DENND2B: variants seen among roughly 807,000 people sequenced by gnomAD.
DENND2B encodes the protein DENN domain containing 2B, also known as DENN domain-containing protein 2B.
Under a neutral mutation model 116.0 loss-of-function variants are expected in DENND2B, and 32 were observed. That is an observed-to-expected ratio of 0.28 (90% CI 0.21 to 0.37). The LOEUF (loss-of-function observed/expected upper bound fraction) is 0.37. Ranked by LOEUF, DENND2B falls within the 10% of genes least tolerant of loss-of-function variation. The pLI, the probability that DENND2B is intolerant of heterozygous loss-of-function variation, is 1.00. For missense variants in DENND2B, 1,276 were observed against 1,477.7 expected, an observed-to-expected ratio of 0.86 and a Z score of 2.24; for synonymous variants, 588 against 583.9, an observed-to-expected ratio of 1.01 and a Z score of -0.10.
chr11:8,757,316 A>G (rs2134090314), intron 1 of DENND2B, among the ~76,000 whole-genome samples: 1 of 152,362 alleles, frequency 6.6e-6, no homozygotes, highest in Non-Finnish European at 1.5e-5. Context: ...TTTGGAAGAC[A>G]ACCTCTCCAT....
intron 1 of DENND2B, among the ~76,000 whole-genome samples, chr11:8,898,796 T>C (rs2064131550): frequency 6.6e-6 from 1 of 152,214 alleles, no homozygotes; most frequent in African/African-American, 2.4e-5. Context: ...TCTAAAATGT[T>C]CAGTTTTCAA....
At chr11:8,716,807 C>A (rs1272931692) in intron 5 of DENND2B, among the ~76,000 whole-genome samples, 1 of 152,182 alleles carries the variant, frequency 6.6e-6, no homozygotes, top group East Asian at 1.9e-4. Context: ...GCCATCATGC[C>A]CAGCTAATGT....
At chr11:8,828,963 TGTGG>T (rs540629632) in intron 4 of DENND2B, among the ~76,000 whole-genome samples, 301 of 150,406 alleles carry the variant, frequency 2.0e-3, no homozygotes, top group Non-Finnish European at 3.4e-3. Context: ...GGGGTGTGTG[TGTGG>T]GTGTGTGTGT....
At chr11:8,817,176 C>T (rs1310269381) in intron 4 of DENND2B, among the ~76,000 whole-genome samples, 1 of 152,172 alleles carries the variant, frequency 6.6e-6, no homozygotes, top group African/African-American at 2.4e-5. Flanking sequence ...AAGTCTGAGA[C>T]AAAGTTGCCT....
At chr11:8,722,072 G>A (rs2046285941) in intron 4 of DENND2B, among the ~76,000 whole-genome samples, 1 of 152,244 alleles carries the variant, frequency 6.6e-6, no homozygotes, top group Non-Finnish European at 1.5e-5. Context: ...TGTGAGATGG[G>A]ACAGGCGGGA....
chr11:8,743,138 G>A (rs1033339047), intron 2 of DENND2B, among the ~76,000 whole-genome samples: 7 of 152,150 alleles, frequency 4.6e-5, no homozygotes, highest in African/African-American at 1.2e-4. Context: ...GTGTGTGAGT[G>A]TGTGTGTGAA....
At chr11:8,890,962 A>C (rs1225381230) in intron 1 of DENND2B, among the ~76,000 whole-genome samples, 2 of 152,230 alleles carry the variant, frequency 1.3e-5, no homozygotes, top group African/African-American at 4.8e-5. Flanking sequence ...AGTTGAAATG[A>C]AGGAAAAAAT....
intron 1 of DENND2B, among the ~76,000 whole-genome samples, chr11:8,779,310 G>A (rs756676317): frequency 6.6e-6 from 1 of 152,182 alleles, no homozygotes; most frequent in Non-Finnish European, 1.5e-5. Context: ...GGCAGAGAGA[G>A]TGGCAAATAT....
rs2041911477 is a variant in DENND2B, at chr11:8,702,616, T to C, written c.2676A>G (p.Ser892=). ...SVRQLIRIFA[S]LLLERRVIFV... is the part of the protein sequence containing the mutation. ...AAATGACCCGGCGCTCCAGCAGCAG[T>C]GAGGCAAAGATTCGGATGAGCTGGC... is the stretch of plus-strand genomic sequence containing the variant. The change falls in exon 14 of 20, where the codon TCA becomes TCG. Residue 892 remains serine, a synonymous_variant. Coordinates refer to ENST00000313726, the MANE Select transcript of DENND2B (RefSeq NM_213618.2). This position sits in a 1 kb window ranked among gnomAD's most constrained non-coding sequence, Gnocchi z 4.6. The C allele has an allele frequency of 1.2e-6, 2 of 1,613,726 alleles. No homozygotes were observed. The highest frequency in any genetic ancestry group is 4.5e-5 in the East Asian group (2 of 44,858).
chr11:8,722,960 A>AGC (rs1245702813), intron 4 of DENND2B, among the ~76,000 whole-genome samples: 1 of 152,040 alleles, frequency 6.6e-6, no homozygotes, highest in Non-Finnish European at 1.5e-5. Context: ...GCTGACCCCT[A>AGC]GCTGTACTCA....
intron 1 of DENND2B, among the ~76,000 whole-genome samples, chr11:8,796,212 A>T (rs1422518414): frequency 6.6e-6 from 1 of 152,160 alleles, no homozygotes; most frequent in African/African-American, 2.4e-5. Flanking sequence ...GGCCTTCACT[A>T]CTGATAGAAT....
upstream of DENND2B, among the ~76,000 whole-genome samples, chr11:8,873,217 G>A (rs1332993284): frequency 6.6e-6 from 1 of 152,186 alleles, no homozygotes; most frequent in African/African-American, 2.4e-5. Context: ...CAACTCAACA[G>A]ACAGCATCAA....
chr11:8,770,575 C>T (rs893227961), intron 1 of DENND2B, among the ~76,000 whole-genome samples: 1 of 152,172 alleles, frequency 6.6e-6, no homozygotes, highest in Non-Finnish European at 1.5e-5. Context: ...TCCTTCTATC[C>T]TGCTGCATTT....
intron 3 of DENND2B, among the ~76,000 whole-genome samples, chr11:8,846,581 A>C (rs780083924): frequency 4.6e-5 from 7 of 152,188 alleles, no homozygotes; most frequent in Non-Finnish European, 1.0e-4. Flanking sequence ...ACCTGGTTTC[A>C]TAAAACAGCT....
At chr11:8,837,787 C>T (rs1301126480) in intron 4 of DENND2B, among the ~76,000 whole-genome samples, 1 of 152,194 alleles carries the variant, frequency 6.6e-6, no homozygotes, top group Non-Finnish European at 1.5e-5. Context: ...AAATGTAGAG[C>T]TTGGACATGT....
intron 3 of DENND2B, among the ~76,000 whole-genome samples, chr11:8,854,321 C>T (rs1566054776): frequency 6.6e-6 from 1 of 152,086 alleles, no homozygotes; most frequent in Non-Finnish European, 1.5e-5. Context: ...CCTGCCTCAG[C>T]CTCCCAAGTA....
chr11:8,866,867 A>C (rs1384946315), intron 2 of DENND2B, among the ~76,000 whole-genome samples: 1 of 152,176 alleles, frequency 6.6e-6, no homozygotes, highest in South Asian at 2.1e-4. Flanking sequence ...TCCTGGTGAT[A>C]ATTTCACCTA....
chr11:8,713,250 A>G (rs1195295362), intron 8 of DENND2B, among the ~76,000 whole-genome samples: 1 of 152,104 alleles, frequency 6.6e-6, no homozygotes, highest in Admixed American at 6.5e-5. Context: ...GAACCTTTTC[A>G]AGCTCCTCTC....
At chr11:8,838,978 C>T (rs1328729143) in intron 4 of DENND2B, among the ~76,000 whole-genome samples, 1 of 152,172 alleles carries the variant, frequency 6.6e-6, no homozygotes, top group Admixed American at 6.5e-5. Flanking sequence ...GGAATCCAAG[C>T]CTACTCCCAG....
Sources: allele counts gnomAD v4.1 joint callset (sites outside exome capture counted in the v4.1 genomes callset), GRCh38; gene constraint gnomAD v4.1.1; non-coding constraint Gnocchi (gnomAD v3.1); transcripts MANE v1.5; gene names NCBI Gene and HGNC (gene_info 2026-07-23, HGNC 2026-07-21).